Variants in HEATR3 observed in about 807,000 individuals in gnomAD.
HEATR3 encodes HEAT repeat containing 3.
In HEATR3, 56 loss-of-function variants were observed where a neutral mutation model predicts 72.8. The observed-to-expected ratio is 0.77, with a 90% CI of 0.62 to 0.96. The LOEUF is 0.96. HEATR3 is among the 40% of genes least tolerant of loss of function. The pLI is 0.00. For missense variants in HEATR3, 747 were observed against 831.4 expected (o/e 0.90, Z 1.25); for synonymous variants, 331 against 318.1 (o/e 1.04, Z -0.43).
intron 13 of HEATR3, 44 bp downstream of exon 13, chr16:50,100,417 A>G (rs1284605920): frequency 1.9e-6 from 3 of 1,576,714 alleles, no homozygotes; most frequent in East Asian, 2.2e-5. Flanking sequence ...ATAATTAGAA[A>G]TGGGAGAAGA....
chr16:50,101,586 C>T (rs2037366819), intron 13 of HEATR3, among the ~76,000 whole-genome samples: 1 of 152,216 alleles, frequency 6.6e-6, no homozygotes, highest in Non-Finnish European at 1.5e-5. Flanking sequence ...CCCGGCACCA[C>T]GTGGTTATTC....
At chr16:50,069,090 GACTC>G (rs1156587285) in intron 3 of HEATR3, among the ~76,000 whole-genome samples, 3 of 152,088 alleles carry the variant, frequency 2.0e-5, no homozygotes, top group African/African-American at 2.4e-5. Flanking sequence ...AAATTGTACA[GACTC>G]ACTCCTTTAG....
At chr16:50,076,671 G>GCCACCAA (rs1567429776) in intron 6 of HEATR3, among the ~76,000 whole-genome samples, 1 of 151,782 alleles carries the variant, frequency 6.6e-6, no homozygotes, top group African/African-American at 2.4e-5. Context: ...CCAAGTAGCT[G>GCCACCAA]GGACTACAGG....
At chr16:50,096,437 C>G (rs1170287711) in intron 12 of HEATR3, among the ~76,000 whole-genome samples, 2 of 151,204 alleles carry the variant, frequency 1.3e-5, no homozygotes, top group African/African-American at 2.4e-5. Flanking sequence ...ATATTTTGGT[C>G]TCTTATTATC....
intron 4 of HEATR3, 55 bp from the exon 5 acceptor site, chr16:50,072,550 A>G: frequency 1.8e-6 from 2 of 1,141,750 alleles, no homozygotes; most frequent in East Asian, 4.7e-5. Context: ...GCTATGGTTG[A>G]TTTCCTACTG....
chr16:50,101,871 G>A (rs933519839), intron 13 of HEATR3, among the ~76,000 whole-genome samples: 1 of 151,938 alleles, frequency 6.6e-6, no homozygotes, highest in Non-Finnish European at 1.5e-5. Context: ...TGAGCCACTT[G>A]CAACTGGCCT....
chr16:50,067,757 T>C (rs1390057315), intron 2 of HEATR3, among the ~76,000 whole-genome samples: 2 of 152,238 alleles, frequency 1.3e-5, no homozygotes, highest in African/African-American at 2.4e-5. Flanking sequence ...TTGTTATTTA[T>C]ATTTCATTCA....
rs140021849 is a variant in HEATR3 at position 50,070,255 on chromosome 16, A to G, written c.477A>G (p.Ile159Met). 7 of 1,605,316 alleles carry G rather than the reference A, an allele frequency of 4.4e-6. No homozygotes were observed. The highest frequency in any genetic ancestry group is 6.0e-6 in the Non-Finnish European group (7 of 1,173,148). ...AGAACAGAAATTCTATTGAGAACATAGCCAATGAGACTGTGAACGTGCTGT... is the reference window on the plus strand; with the variant it reads ...AGAACAGAAATTCTATTGAGAACATGGCCAATGAGACTGTGAACGTGCTGT... ...KDQNRNSIEN[I>M]ANETVNVLWN... The change falls in exon 4 of 15, where the codon ATA becomes ATG. Residue 159 changes from isoleucine (I) to methionine (M), a missense_variant. Physicochemically the swap from Ile to Met is conservative, Grantham distance 10. This residue lies in a region of HEATR3 where 586 missense variants were observed against 708.8 expected (regional missense o/e 0.83). Coordinates refer to ENST00000299192, the MANE Select transcript of HEATR3 (RefSeq NM_182922.4).
chr16:50,089,065 G>C (rs2037051247), intron 11 of HEATR3, among the ~76,000 whole-genome samples: 1 of 152,184 alleles, frequency 6.6e-6, no homozygotes. Context: ...TGGTCACTGA[G>C]GCCAGCACAT....
chr16:50,102,589 T>C lies in HEATR3; in HGVS notation c.1920+154T>C, dbSNP rs189102809. 5.6e-3 allele frequency among the ~76,000 whole-genome samples: 857 copies of C among 152,290 alleles called. 14 individuals carry two copies. The highest frequency in any genetic ancestry group is 0.024 in the Admixed American group (364 of 15,298). On this transcript the variant is annotated intron_variant, in intron 14 of 14. Transcript: ENST00000299192. ...AGTACTTTGTAAAATGTTCGTTGAC[T>C]GAGTCATAGCTCAACAGTGTGACTA... is the stretch of plus-strand genomic sequence containing the variant.
chr16:50,100,342 C>T lies in HEATR3; in HGVS notation c.1712C>T (p.Ala571Val). 2 of 1,614,004 alleles carry T rather than the reference C, an allele frequency of 1.2e-6. No homozygotes were observed. Among genetic ancestry groups the T allele is most frequent in the Non-Finnish European group, 8.5e-7 (1 of 1,179,986 alleles). Residue 571 changes from alanine to valine, a missense_variant, in exon 13 of 15, where the codon GCC becomes GTC. Transcript: ENST00000299192. ...SILGITGSVL[A>V]KEDGTLETLK... ...TTAGGAATCACTGGCAGCGTCCTTG[C>T]CAAAGAAGATGGTACACTTGAAACT...
chr16:50,086,483 A>G, intron 11 of HEATR3, 132 bp downstream of exon 11: 2 of 982,484 alleles, frequency 2.0e-6, no homozygotes, highest in Admixed American at 2.9e-5. Context: ...GGAATCATGT[A>G]TTTATAGTTG....
chr16:50,070,180 T>C lies in HEATR3; in HGVS notation c.402T>C (p.Cys134=). The part of the protein sequence containing the change: ...MTPLVALLKE[C]SAGLDSNEMS... Reference sequence around the variant, plus strand: ...CTAATCATGATATTTGGTTACAGTGTAGTGCTGGACTGGATTCAAATGAGA... The same window carrying C: ...CTAATCATGATATTTGGTTACAGTGCAGTGCTGGACTGGATTCAAATGAGA... Residue 134 remains cysteine, a splice_region_variant and synonymous_variant, in exon 4 of 15, where the codon TGT becomes TGC. Transcript: ENST00000299192. 1 of 1,539,752 alleles carries C rather than the reference T, an allele frequency of 6.5e-7. No individual in the cohort carries two copies. The highest frequency in any genetic ancestry group is 8.9e-7 in the Non-Finnish European group (1 of 1,118,088).
chr16:50,097,923 C>CA (rs1047867647), intron 12 of HEATR3, among the ~76,000 whole-genome samples: 970 of 74,552 alleles, frequency 0.013, 5 homozygotes, highest in East Asian at 0.034. Context: ...AACTCCGTCT[C>CA]AAAAAAAAAA....
chr16:50,102,218 G>A (rs747524980), intron 13 of HEATR3, 41 bp from the exon 14 acceptor site: 1 of 1,549,268 alleles, frequency 6.5e-7, no homozygotes, highest in Non-Finnish European at 8.8e-7. Flanking sequence ...TTGTTTTGGA[G>A]ACTGGTGTTA....
intron 6 of HEATR3, among the ~76,000 whole-genome samples, chr16:50,076,450 A>G (rs1006551643): frequency 4.6e-5 from 7 of 152,140 alleles, no homozygotes; most frequent in Admixed American, 3.9e-4. Context: ...GACCTCCTAA[A>G]GTGCTGGGAT....
chr16:50,100,380 C>T lies in HEATR3; in HGVS notation c.1743+7C>T. Reference sequence around the variant, plus strand: ...TACACTTGAAACTCTTAAGGTAAAACAATTTGCTTCTGACCTAACATGTTA... The same window carrying T: ...TACACTTGAAACTCTTAAGGTAAAATAATTTGCTTCTGACCTAACATGTTA... On this transcript the variant is annotated splice_region_variant and intron_variant, in intron 13 of 14. Transcript: ENST00000299192. 2 of 1,613,076 alleles carry T rather than the reference C, an allele frequency of 1.2e-6. No homozygotes were observed. The highest frequency in any genetic ancestry group is 1.7e-6 in the Non-Finnish European group (2 of 1,179,358).
chr16:50,074,292 A>C (rs2036674947), intron 5 of HEATR3: 1 of 152,096 alleles, frequency 6.6e-6, no homozygotes, highest in Non-Finnish European at 1.5e-5. Context: ...CCCAAAACCT[A>C]AGGCTGTTTG....
chr16:50,095,329 A>G (rs771264977), intron 12 of HEATR3, among the ~76,000 whole-genome samples: 2 of 151,182 alleles, frequency 1.3e-5, no homozygotes, highest in African/African-American at 2.4e-5. Context: ...CTGGTCTTAA[A>G]TGCCTGACCT....
Sources: gnomAD v4.1 joint callset for allele counts (sites outside exome capture counted in the v4.1 genomes callset) on GRCh38, gnomAD v4.1.1 for gene constraint, gnomAD v4.1.1 regional missense constraint, MANE v1.5 for transcripts, NCBI Gene and HGNC (gene_info 2026-07-23, HGNC 2026-07-21) for gene names.